NIPAL3: variants seen among roughly 807,000 people sequenced by gnomAD.
NIPAL3 encodes the protein NIPA-like protein 3.
Under a neutral mutation model 47.2 loss-of-function variants are expected in NIPAL3, and 41 were observed. The ratio of observed to expected loss-of-function variants is 0.87; its 90% CI spans 0.68 to 1.13. The LOEUF is 1.13. NIPAL3 is among the 50% of genes most tolerant of loss of function. NIPAL3 has a pLI of 0.00. For missense variants in NIPAL3, 449 were observed against 530.1 expected (o/e 0.85, Z 1.50); for synonymous variants, 194 against 209.6 (o/e 0.93, Z 0.64).
intron 10 of NIPAL3, 124 bp from the exon 11 acceptor site, chr1:24,463,902 C>T (rs1646585087): frequency 1.0e-5 from 7 of 676,672 alleles, no homozygotes; most frequent in South Asian, 6.6e-5. Flanking sequence ...GCTCCTTGGG[C>T]GGTGAGCCCT....
rs1646936642 is a variant in NIPAL3, at chr1:24,472,469, A to G, written c.*3284A>G. ...GTTACTCATGGCTCTGACGTCCCCA[A>G]GCCCTCTTGAATGTTGCAAGCAATG... On this transcript the variant is annotated 3_prime_UTR_variant, in exon 12 of 12. Transcript: ENST00000374399. 2 of 152,172 alleles carry G rather than the reference A, an allele frequency of 1.3e-5. No individual in the cohort carries two copies. The highest frequency in any genetic ancestry group is 4.1e-4 in the South Asian group (2 of 4,820). The allele number at this position is 152,172 out of a possible 1,614,324, so 9.4% of individuals were successfully genotyped here.
At position 24,442,211 on chromosome 1, in the gene NIPAL3, G is replaced by A. The variant is rs767353728; in HGVS notation, c.319G>A (p.Ala107Thr). ...GCTGTCACTCATCGTGCCCCTCAGCGCAGTTTCTGTGATAGGTAAGACCAG... is the reference window on the plus strand; with the variant it reads ...GCTGTCACTCATCGTGCCCCTCAGCACAGTTTCTGTGATAGGTAAGACCAG... ...APLSLIVPLS[A>T]VSVIASAIIG... Residue 107 changes from alanine (A) to threonine (T), a missense_variant, in exon 4 of 12, where the codon GCA (alanine) becomes ACA (threonine). Ala to Thr is a moderately conservative substitution (Grantham distance 58, BLOSUM62 0). Coordinates refer to ENST00000374399, the MANE Select transcript of NIPAL3 (RefSeq NM_020448.5). 8.1e-6 allele frequency: 13 copies of A among 1,613,794 alleles called. No homozygotes were observed. The highest frequency in any genetic ancestry group is 5.3e-5 in the African/African-American group (4 of 74,908).
At position 24,469,069 on chromosome 1, in the gene NIPAL3, G is replaced by C. The variant is rs745952497; in HGVS notation, c.1105G>C (p.Asp369His). ...TTCCTATGGGGCTCTGGAAAACAAT[G>C]ACAACATTTCTGAGATCTACGCTCC... ...SFSYGALENN[D>H]NISEIYAPAT... Residue 369 changes from aspartate to histidine, a missense_variant, in exon 12 of 12, where the codon GAC (aspartate) becomes CAC (histidine). Coordinates refer to ENST00000374399, the MANE Select transcript of NIPAL3 (RefSeq NM_020448.5). 3 of 1,613,934 alleles carry C rather than the reference G, an allele frequency of 1.9e-6. No individual in the cohort carries two copies. The highest frequency in any genetic ancestry group is 2.5e-6 in the Non-Finnish European group (3 of 1,179,976).
At chr1:24,464,432 C>T (rs1328873644) in intron 11 of NIPAL3, 1 of 188,132 alleles carries the variant, frequency 5.3e-6, no homozygotes, top group African/African-American at 2.3e-5. Context: ...ATCCATTCAT[C>T]TAGTTGGAAT....
chr1:24,422,748 T>G (rs183724656), intron 2 of NIPAL3, among the ~76,000 whole-genome samples: 3 of 152,318 alleles, frequency 2.0e-5, no homozygotes, highest in African/African-American at 7.2e-5. Context: ...ATATTCAAAG[T>G]GAGCAAAACA....
chr1:24,417,677 G>A (rs1644122577), intron 1 of NIPAL3, among the ~76,000 whole-genome samples: 1 of 152,218 alleles, frequency 6.6e-6, no homozygotes, highest in African/African-American at 2.4e-5. Flanking sequence ...CTGACAAAGT[G>A]AAACCAAGCC....
intron 2 of NIPAL3, chr1:24,420,169 G>A (rs1383711213): frequency 6.6e-6 from 1 of 151,526 alleles, no homozygotes; most frequent in Non-Finnish European, 1.5e-5. Context: ...TAGAATAAAA[G>A]GAATGCATTC....
upstream of NIPAL3, chr1:24,415,240 G>T (rs980695921): frequency 1.3e-5 from 2 of 152,222 alleles, no homozygotes; most frequent in East Asian, 3.9e-4. Context: ...GCTCGTTTCA[G>T]GACCTTCAGT....
intron 2 of NIPAL3, among the ~76,000 whole-genome samples, chr1:24,421,477 G>A (rs1439123070): frequency 6.6e-6 from 1 of 152,302 alleles, no homozygotes; most frequent in Non-Finnish European, 1.5e-5. Context: ...GGTGAGAAGC[G>A]ACATTCTTAA....
intron 2 of NIPAL3, among the ~76,000 whole-genome samples, chr1:24,428,105 T>C (rs1233511445): frequency 6.6e-6 from 1 of 152,066 alleles, no homozygotes; most frequent in African/African-American, 2.4e-5. Flanking sequence ...CTGGGTGCAA[T>C]GGCATGCACC....
In NIPAL3 at chr1:24,431,202, T is replaced by A. The variant is rs72652559; in HGVS notation, c.94-8970T>A. On this transcript the variant is annotated intron_variant, in intron 2 of 11. Coordinates refer to ENST00000374399, the MANE Select transcript of NIPAL3 (RefSeq NM_020448.5). ...TCTTGGGATGGGCGTTACAGCATCT[T>A]GATTATCACTAAAAAAAGTGGGAAA... Among the ~76,000 whole-genome samples, 663 of 152,316 alleles carry A rather than the reference T, an allele frequency of 4.4e-3. 1 individual carries two copies. The highest frequency in any genetic ancestry group is 6.7e-3 in the Non-Finnish European group (456 of 68,028).
At chr1:24,420,462 A>G (rs1191600383) in intron 2 of NIPAL3, among the ~76,000 whole-genome samples, 1 of 152,076 alleles carries the variant, frequency 6.6e-6, no homozygotes, top group Non-Finnish European at 1.5e-5. Context: ...CTATGATTGC[A>G]CCACTGCACT....
Position 24,472,635 on chromosome 1 carries a change from A to C in NIPAL3, c.*3450A>C, listed in dbSNP as rs1016127856. 3.3e-5 allele frequency: 5 copies of C among 152,140 alleles called. No individual in the cohort carries two copies. Among genetic ancestry groups the C allele is most frequent in the African/African-American group, 4.8e-5 (2 of 41,436 alleles). 9.4% of individuals were successfully genotyped at this position (152,140 alleles called of 1,614,324 possible). ...GCAGTGTGGAGTTGAACGCTGGGTA[A>C]AGAAGGGAGAGCTGACTCTCCATTG... is the stretch of plus-strand genomic sequence containing the variant. On this transcript the variant is annotated 3_prime_UTR_variant, in exon 12 of 12. Coordinates refer to ENST00000374399, the MANE Select transcript of NIPAL3 (RefSeq NM_020448.5).
intron 2 of NIPAL3, among the ~76,000 whole-genome samples, chr1:24,433,515 A>G (rs1217001672): frequency 1.3e-5 from 2 of 152,228 alleles, no homozygotes; most frequent in Non-Finnish European, 2.9e-5. Flanking sequence ...CCTTTGCCAC[A>G]TAATATTAAG....
At chr1:24,420,594 T>G (rs74783479) in intron 2 of NIPAL3, among the ~76,000 whole-genome samples, 1,835 of 152,324 alleles carry the variant, frequency 0.012, 38 homozygotes, top group African/African-American at 0.042. Context: ...TCAGTATATC[T>G]CCTTGTTTTT....
At chr1:24,439,228 A>G (rs1475891442) in intron 2 of NIPAL3, among the ~76,000 whole-genome samples, 2 of 152,256 alleles carry the variant, frequency 1.3e-5, no homozygotes, top group East Asian at 3.8e-4. Context: ...GAAACAGCCT[A>G]AATATCCAGT....
chr1:24,457,954 G>T, intron 8 of NIPAL3: 1 of 419,694 alleles, frequency 2.4e-6, no homozygotes. Flanking sequence ...AAGGCCCTGT[G>T]CTGAGCACTC....
intron 2 of NIPAL3, among the ~76,000 whole-genome samples, chr1:24,438,978 T>TA (rs1209771357): frequency 1.3e-5 from 2 of 152,172 alleles, no homozygotes; most frequent in African/African-American, 4.8e-5. Context: ...ATGTGTGCAC[T>TA]AGGCTATTCA....
At chr1:24,440,103 G>A (rs1346712390) in intron 2 of NIPAL3, 69 bp from the exon 3 acceptor site, 1 of 1,123,296 alleles carries the variant, frequency 8.9e-7, no homozygotes, top group Non-Finnish European at 1.2e-6. Context: ...ATGGTTGAGT[G>A]TCAGAAGTGT....
Sources: gnomAD v4.1 joint callset for allele counts (sites outside exome capture counted in the v4.1 genomes callset) on GRCh38, gnomAD v4.1.1 for gene constraint, MANE v1.5 for transcripts, NCBI Gene and HGNC (gene_info 2026-07-23, HGNC 2026-07-21) for gene names.